The following TMEM167A variants were observed in gnomAD, a reference collection of about 807,000 sequenced individuals.
The protein encoded by TMEM167A is transmembrane protein 167A, also known as protein kish-A.
TMEM167A carries 8 observed loss-of-function variants against 11.6 expected under a neutral mutation model. The observed-to-expected ratio is 0.69, with a 90% CI of 0.40 to 1.24. The LOEUF is 1.24. TMEM167A is among the 50% of genes most tolerant of loss of function. The pLI, the probability that TMEM167A is intolerant of heterozygous loss-of-function variation, is 0.01. For synonymous variants in TMEM167A, 22 were observed against 28.0 expected, an observed-to-expected ratio of 0.79 and a Z score of 0.67; for missense variants, 62 against 87.0, an observed-to-expected ratio of 0.71 and a Z score of 1.14.
Position 83,057,028 on chromosome 5 carries a change from T to G in TMEM167A, c.*56A>C. The G allele has an allele frequency of 6.8e-7, 1 of 1,464,218 alleles. No individual in the cohort carries two copies. Among genetic ancestry groups the G allele is most frequent in the Non-Finnish European group, 9.6e-7 (1 of 1,047,092 alleles). 90.7% of individuals were successfully genotyped at this position (1,464,218 alleles called of 1,614,324 possible). A position where few individuals can be genotyped will look rare whatever the true frequency, so the allele number is the denominator to read the frequency against. On this transcript the variant is annotated 3_prime_UTR_variant, in exon 4 of 4. Coordinates refer to ENST00000502346, the MANE Select transcript of TMEM167A (RefSeq NM_174909.5). ...ACATCCTTTCCATTATTTTCTGCAGTCAGTCCTTGTTCACAATCAAATCTG... is the reference window on the plus strand; with the variant it reads ...ACATCCTTTCCATTATTTTCTGCAGGCAGTCCTTGTTCACAATCAAATCTG...
At chr5:83,062,146 T>C (rs1287912125) in intron 2 of TMEM167A, among the ~76,000 whole-genome samples, 1 of 152,092 alleles carries the variant, frequency 6.6e-6, no homozygotes, top group Non-Finnish European at 1.5e-5. Flanking sequence ...ATATAAATAG[T>C]GTCATAGGTC....
At chr5:83,067,977 T>C (rs917811489) in intron 1 of TMEM167A, among the ~76,000 whole-genome samples, 1 of 133,068 alleles carries the variant, frequency 7.5e-6, no homozygotes, top group African/African-American at 2.5e-5. Context: ...GTATCTTGGG[T>C]TTTAATTAAA....
intron 1 of TMEM167A, among the ~76,000 whole-genome samples, chr5:83,073,218 TACG>T (rs375313524): frequency 3.6e-4 from 55 of 152,314 alleles, no homozygotes; most frequent in African/African-American, 1.3e-3. Flanking sequence ...TGGCCAATAA[TACG>T]ACTTTAATAA....
rs915576104 is a variant in TMEM167A at position 83,057,535 on chromosome 5, C to G, written c.149-381G>C. 2.0e-5 allele frequency among the ~76,000 whole-genome samples: 3 copies of G among 151,982 alleles called. No individual in the cohort carries two copies. In the East Asian group the frequency reaches 5.8e-4, roughly 29 times the overall value. ...GTTTATTTTCTGTCTATAAAAAGAACAAAACTTCCATCCATAAAAAGACAC... is the reference window on the plus strand; with the variant it reads ...GTTTATTTTCTGTCTATAAAAAGAAGAAAACTTCCATCCATAAAAAGACAC... On this transcript the variant is annotated intron_variant, in intron 3 of 3. Coordinates refer to ENST00000502346, the MANE Select transcript of TMEM167A (RefSeq NM_174909.5).
intron 3 of TMEM167A, among the ~76,000 whole-genome samples, chr5:83,059,026 G>A (rs1375426559): frequency 6.6e-6 from 1 of 152,052 alleles, no homozygotes; most frequent in African/African-American, 2.4e-5. Flanking sequence ...CAGCATATCA[G>A]CAACATTTTC....
At chr5:83,057,529 A>G (rs1488453406) in intron 3 of TMEM167A, among the ~76,000 whole-genome samples, 1 of 152,042 alleles carries the variant, frequency 6.6e-6, no homozygotes, top group Non-Finnish European at 1.5e-5. Context: ...CTGTCTATAA[A>G]AAGAACAAAA....
intron 2 of TMEM167A, 118 bp downstream of exon 2, chr5:83,064,890 A>G: frequency 1.6e-6 from 1 of 621,506 alleles, no homozygotes; most frequent in Non-Finnish European, 2.8e-6. Context: ...AAAATGAAAA[A>G]AGTTATTATA....
At chr5:83,064,890 A>C (rs1744459618) in intron 2 of TMEM167A, 118 bp downstream of exon 2, 8 of 621,388 alleles carry the variant, frequency 1.3e-5, no homozygotes, top group Non-Finnish European at 1.7e-5. Flanking sequence ...AAAATGAAAA[A>C]AGTTATTATA....
chr5:83,063,442 G>A (rs1487287145), intron 2 of TMEM167A, among the ~76,000 whole-genome samples: 1 of 152,084 alleles, frequency 6.6e-6, no homozygotes, highest in East Asian at 1.9e-4. Flanking sequence ...TTAGGCATTT[G>A]CAAAGCCATG....
chr5:83,064,085 TA>T (rs1346022106), intron 2 of TMEM167A: 1 of 326,348 alleles, frequency 3.1e-6, no homozygotes, highest in Non-Finnish European at 5.9e-6. Context: ...TAAATCAACA[TA>T]AAATGGTGCT....
chr5:83,068,838 T>C (rs961649633), intron 1 of TMEM167A, among the ~76,000 whole-genome samples: 1 of 152,192 alleles, frequency 6.6e-6, no homozygotes, highest in African/African-American at 2.4e-5. Flanking sequence ...CTTCTCCAAA[T>C]GTGTTTTTAA....
At chr5:83,060,475 T>C (rs184477423) in intron 3 of TMEM167A, among the ~76,000 whole-genome samples, 394 of 151,320 alleles carry the variant, frequency 2.6e-3, no homozygotes, top group African/African-American at 8.8e-3. Context: ...TGTACAAATG[T>C]CTGGAGTCTT....
In TMEM167A at chr5:83,073,415, G is replaced by A. The variant is rs1744592209; in HGVS notation, c.3+3906C>T. 2.0e-5 allele frequency among the ~76,000 whole-genome samples: 3 copies of A among 152,186 alleles called. No individual in the cohort carries two copies. In the South Asian group the frequency reaches 6.2e-4, roughly 32 times the overall value. On this transcript the variant is annotated intron_variant, in intron 1 of 3. Coordinates refer to ENST00000502346, the MANE Select transcript of TMEM167A (RefSeq NM_174909.5). ...GTTAAGTTCCGATGGCATATTTCTA[G>A]TCACAAAAGCATCACCAAACTTCCA...
intron 1 of TMEM167A, among the ~76,000 whole-genome samples, chr5:83,068,414 T>C (rs940181746): frequency 7.2e-5 from 11 of 152,194 alleles, no homozygotes; most frequent in African/African-American, 2.7e-4. Flanking sequence ...ATTTTATACA[T>C]GAGACTGAGG....
intron 1 of TMEM167A, among the ~76,000 whole-genome samples, chr5:83,076,859 T>G (rs1744680274): frequency 1.3e-5 from 2 of 152,164 alleles, no homozygotes; most frequent in African/African-American, 2.4e-5. Flanking sequence ...GGTGGAAGGG[T>G]CTTGAGAGGC....
chr5:83,054,498 A>T lies in TMEM167A; in HGVS notation c.*2586T>A, dbSNP rs1744300934. The T allele has an allele frequency of 6.6e-6, 1 of 152,020 alleles. No homozygotes were observed. Among genetic ancestry groups the T allele is most frequent in the African/African-American group, 2.4e-5 (1 of 41,428 alleles). 9.4% of individuals were successfully genotyped at this position (152,020 alleles called of 1,614,324 possible). A position where few individuals can be genotyped will look rare whatever the true frequency, so the allele number is the denominator to read the frequency against. On this transcript the variant is annotated 3_prime_UTR_variant, in exon 4 of 4. Coordinates refer to ENST00000502346, the MANE Select transcript of TMEM167A (RefSeq NM_174909.5). ...CAAGCTGAGGACTTCAGTGTCCATC[A>T]TCCGATCCTGCCCTGTAACAACAGG...
At position 83,075,706 on chromosome 5, in the gene TMEM167A, C is replaced by G. The variant is rs144408748; in HGVS notation, c.3+1615G>C. Among the ~76,000 whole-genome samples, 461 of 151,264 alleles carry G rather than the reference C, an allele frequency of 3.0e-3. 11 individuals carry two copies. The East Asian group carries it at 0.078, about 26-fold the overall frequency. ...GTTGCAGTGAGCTGAGATTATGCCA[C>G]TGCACTCCAGCCTGGGCAACAGAGG... On this transcript the variant is annotated intron_variant, in intron 1 of 3. Transcript: ENST00000502346.
At chr5:83,062,530 T>A (rs1439532591) in intron 2 of TMEM167A, among the ~76,000 whole-genome samples, 1 of 152,088 alleles carries the variant, frequency 6.6e-6, no homozygotes, top group Admixed American at 6.6e-5. Context: ...AAGCACATAC[T>A]CTGGGAATAA....
intron 1 of TMEM167A, among the ~76,000 whole-genome samples, chr5:83,076,680 A>C (rs1040476240): frequency 8.5e-5 from 13 of 152,264 alleles, no homozygotes; most frequent in African/African-American, 3.1e-4. Context: ...AGAAATATAC[A>C]TAACATTTGG....
Sources: allele counts gnomAD v4.1 joint callset (sites outside exome capture counted in the v4.1 genomes callset), GRCh38; gene constraint gnomAD v4.1.1; transcripts MANE v1.5; gene names NCBI Gene and HGNC (gene_info 2026-07-23, HGNC 2026-07-21).